Variants in DLG2 observed in about 807,000 individuals in gnomAD.
DLG2 encodes the protein discs large MAGUK scaffold protein 2.
A neutral mutation model predicts 132.5 loss-of-function variants in DLG2; 45 were observed. That is an observed-to-expected ratio of 0.34 (90% CI 0.27 to 0.44). The LOEUF (loss-of-function observed/expected upper bound fraction) is 0.44, where lower values mean the gene tolerates loss of function less well. Ranked by LOEUF, DLG2 falls within the 20% of genes least tolerant of loss-of-function variation. The pLI, the probability that DLG2 is intolerant of heterozygous loss-of-function variation, is 1.00. For missense variants in DLG2, 1,045 were observed against 1,196.9 expected (o/e 0.87, Z 1.87); for synonymous variants, 424 against 419.6 (o/e 1.01, Z -0.13).
intron 6 of DLG2, among the ~76,000 whole-genome samples, chr11:84,597,770 T>C (rs1328081564): frequency 1.3e-5 from 2 of 152,138 alleles, no homozygotes; most frequent in African/African-American, 2.4e-5. Context: ...TCAGTAAAAG[T>C]AGGACAAGAA....
Position 84,465,576 on chromosome 11 carries a change from A to T in DLG2, c.519+68994T>A, listed in dbSNP as rs2099092047. Among the ~76,000 whole-genome samples the T allele has an allele frequency of 3.3e-5, 5 of 151,410 alleles. No homozygotes were observed. The South Asian group carries it at 1.0e-3, about 31-fold the overall frequency. On this transcript the variant is annotated intron_variant, in intron 7 of 27. Coordinates refer to ENST00000376104, the MANE Select transcript of DLG2 (RefSeq NM_001142699.3). The stretch of plus-strand genomic sequence containing the variant: ...ATTTATACTCTAATAATATTTATGC[A>T]TGTGAAATCTCGCTTCTATAAAGGG...
At chr11:84,197,989 T>C (rs1320020462) in intron 8 of DLG2, among the ~76,000 whole-genome samples, 9 of 152,198 alleles carry the variant, frequency 5.9e-5, no homozygotes, top group Non-Finnish European at 8.8e-5. Flanking sequence ...TTTTTTTAAA[T>C]ATGTAATATT....
chr11:84,982,902 G>T (rs1408589650), intron 6 of DLG2, among the ~76,000 whole-genome samples: 1 of 152,086 alleles, frequency 6.6e-6, no homozygotes, highest in Non-Finnish European at 1.5e-5. Flanking sequence ...AATAATTCTT[G>T]AAAAGTAAGA....
At chr11:85,339,777 C>T (rs916921812) in intron 3 of DLG2, among the ~76,000 whole-genome samples, 3 of 151,980 alleles carry the variant, frequency 2.0e-5, no homozygotes. Flanking sequence ...ACAAAGAACT[C>T]AAACAAATTT....
At chr11:83,490,988 ATTCTACTTT>A (rs1213217039) in intron 21 of DLG2, among the ~76,000 whole-genome samples, 1 of 151,962 alleles carries the variant, frequency 6.6e-6, no homozygotes, top group East Asian at 1.9e-4. Flanking sequence ...TATATTCATA[ATTCTACTTT>A]TTCTACTTTT....
chr11:84,494,714 C>A (rs569150508), intron 7 of DLG2, among the ~76,000 whole-genome samples: 54 of 152,228 alleles, frequency 3.5e-4, no homozygotes, highest in African/African-American at 1.3e-3. Context: ...GAGTAGCAGA[C>A]CCTAAAGCAT....
intron 6 of DLG2, among the ~76,000 whole-genome samples, chr11:84,817,137 GCA>G (rs2077165233): frequency 6.6e-6 from 1 of 152,006 alleles, no homozygotes; most frequent in African/African-American, 2.4e-5. Context: ...GGCACTCAGA[GCA>G]ATCTTTTAAA....
chr11:85,414,870 C>G (rs1407724128), intron 3 of DLG2, among the ~76,000 whole-genome samples: 1 of 151,500 alleles, frequency 6.6e-6, no homozygotes, highest in East Asian at 1.9e-4. Flanking sequence ...CTCTTTCTTT[C>G]ATTATTATAC....
chr11:83,985,684 A>T (rs1001951930), intron 11 of DLG2, among the ~76,000 whole-genome samples: 1 of 152,106 alleles, frequency 6.6e-6, no homozygotes, highest in Non-Finnish European at 1.5e-5. Flanking sequence ...AGAGGACATG[A>T]TCTCATTCCT....
chr11:83,683,495 C>A (rs2079171558), intron 18 of DLG2, among the ~76,000 whole-genome samples: 1 of 152,110 alleles, frequency 6.6e-6, no homozygotes, highest in Admixed American at 6.5e-5. Flanking sequence ...TGAGAGCAGA[C>A]TGATTTACTA....
At chr11:84,249,200 C>T (rs1210781007) in intron 8 of DLG2, among the ~76,000 whole-genome samples, 1 of 152,238 alleles carries the variant, frequency 6.6e-6, no homozygotes, top group Non-Finnish European at 1.5e-5. Context: ...CTTGAGAGCA[C>T]TGCTTACATG....
At chr11:83,954,756 T>G (rs979889756) in intron 14 of DLG2, among the ~76,000 whole-genome samples, 2 of 152,224 alleles carry the variant, frequency 1.3e-5, no homozygotes, top group Non-Finnish European at 2.9e-5. Context: ...AAATCATATT[T>G]TAGCCAGAGG....
At position 84,264,370 on chromosome 11, in the gene DLG2, C is replaced by T. The variant is rs546710476; in HGVS notation, c.520-13079G>A. On this transcript the variant is annotated intron_variant, in intron 7 of 27. Transcript: ENST00000376104. Reference sequence around the variant, plus strand: ...TCTCAGTTTTCTGGTGGCTTTCTTACTTTAAATTATTCTATAAAGCAAGGA... The same window carrying T: ...TCTCAGTTTTCTGGTGGCTTTCTTATTTTAAATTATTCTATAAAGCAAGGA... Among the ~76,000 whole-genome samples the T allele has an allele frequency of 1.7e-4, 26 of 152,258 alleles. No individual in the cohort carries two copies. In the South Asian group the frequency reaches 4.6e-3, roughly 27 times the overall value.
chr11:83,698,709 G>C (rs1441888635), intron 18 of DLG2, among the ~76,000 whole-genome samples: 1 of 152,166 alleles, frequency 6.6e-6, no homozygotes, highest in African/African-American at 2.4e-5. Context: ...TCTTTACTGA[G>C]TTTTTGCCAT....
At chr11:84,463,538 G>C (rs1012535880) in intron 7 of DLG2, among the ~76,000 whole-genome samples, 1 of 151,164 alleles carries the variant, frequency 6.6e-6, no homozygotes, top group Non-Finnish European at 1.5e-5. Context: ...GACAAGAGAA[G>C]GGGAGGATGA....
At chr11:83,603,646 T>TG (rs61092268) in intron 19 of DLG2, among the ~76,000 whole-genome samples, 109,753 of 152,044 alleles carry the variant, frequency 0.72, 40,305 homozygotes, top group African/African-American at 0.86. Context: ...CTCTAACACT[T>TG]GAATCAACTG....
chr11:84,496,630 CT>C (rs1360223771), intron 7 of DLG2, among the ~76,000 whole-genome samples: 8 of 152,052 alleles, frequency 5.3e-5, no homozygotes, highest in Admixed American at 1.3e-4. Context: ...AAGTAAAAGA[CT>C]TTTTATTGAA....
At position 83,860,361 on chromosome 11, in the gene DLG2, G is replaced by A. The variant is rs187072098; in HGVS notation, c.1565+14059C>T. Among the ~76,000 whole-genome samples, 138 of 152,282 alleles carry A rather than the reference G, an allele frequency of 9.1e-4. 1 individual carries two copies. The highest frequency in any genetic ancestry group is 3.4e-3 in the Middle Eastern group (1 of 294). On this transcript the variant is annotated intron_variant, in intron 16 of 27. Transcript: ENST00000376104. ...AGGAGTGGAGCTGCCCAAGACCATG[G>A]GAACCCACCTCTTACATCAGCATGA... is the stretch of plus-strand genomic sequence containing the variant.
chr11:85,365,781 T>TACA (rs2084502058), intron 3 of DLG2, among the ~76,000 whole-genome samples: 1 of 152,074 alleles, frequency 6.6e-6, no homozygotes, highest in Non-Finnish European at 1.5e-5. Flanking sequence ...ATGTCCTTTG[T>TACA]AGGAATGTGG....
Sources: gnomAD v4.1 joint callset for allele counts (sites outside exome capture counted in the v4.1 genomes callset) on GRCh38, gnomAD v4.1.1 for gene constraint, MANE v1.5 for transcripts, NCBI Gene and HGNC (gene_info 2026-07-23, HGNC 2026-07-21) for gene names.